LRRC49: variants seen among roughly 807,000 people sequenced by gnomAD.
The protein encoded by LRRC49 is leucine-rich repeat-containing protein 49.
A neutral mutation model predicts 83.3 loss-of-function variants in LRRC49; 50 were observed. The ratio of observed to expected loss-of-function variants is 0.60; its 90% CI spans 0.48 to 0.76. The LOEUF is 0.76. Among genes scored for constraint, LRRC49 ranks in the 30% least tolerant of loss-of-function variants. The pLI is 0.00. For missense variants in LRRC49, 704 were observed against 809.1 expected (o/e 0.87, Z 1.58); for synonymous variants, 286 against 283.3 (o/e 1.01, Z -0.10).
intron 11 of LRRC49, among the ~76,000 whole-genome samples, chr15:70,998,766 T>C (rs2038159833): frequency 3.8e-5 from 2 of 53,030 alleles, no homozygotes; most frequent in Admixed American, 2.6e-4. Context: ...TCAAATATTC[T>C]TTCTGCTTTT....
intron 11 of LRRC49, among the ~76,000 whole-genome samples, chr15:71,007,160 C>T (rs545608000): frequency 1.8e-4 from 27 of 152,046 alleles, no homozygotes; most frequent in African/African-American, 6.3e-4. Flanking sequence ...AGAAGGTTAA[C>T]TGGTACCTCT....
intron 1 of LRRC49, among the ~76,000 whole-genome samples, chr15:70,868,164 G>T (rs1366527823): frequency 6.6e-6 from 1 of 152,142 alleles, no homozygotes; most frequent in East Asian, 1.9e-4. Flanking sequence ...ATTCTGTGGG[G>T]AAAACATGTT....
chr15:70,978,071 C>T (rs2037269204), intron 9 of LRRC49, among the ~76,000 whole-genome samples: 1 of 151,976 alleles, frequency 6.6e-6, no homozygotes, highest in Non-Finnish European at 1.5e-5. Context: ...TCTTTGTTTT[C>T]AGGAGCATGT....
chr15:70,993,246 G>A (rs2037955503), intron 11 of LRRC49, among the ~76,000 whole-genome samples: 2 of 152,204 alleles, frequency 1.3e-5, no homozygotes, highest in Non-Finnish European at 2.9e-5. Flanking sequence ...CTGTATTAGG[G>A]TGGGAGTGAC....
intron 6 of LRRC49, among the ~76,000 whole-genome samples, chr15:70,914,189 G>A (rs1357596625): frequency 6.6e-6 from 1 of 151,932 alleles, no homozygotes; most frequent in Non-Finnish European, 1.5e-5. Context: ...GTATTTCAAA[G>A]CAAAGATACA....
chr15:70,987,139 G>A (rs553884555), intron 11 of LRRC49, among the ~76,000 whole-genome samples: 7 of 152,320 alleles, frequency 4.6e-5, no homozygotes, highest in Admixed American at 3.3e-4. Flanking sequence ...TCAGGATGAT[G>A]CTGACCTCAT....
chr15:70,892,353 G>T, upstream of LRRC49: 1 of 1,548,334 alleles, frequency 6.5e-7, no homozygotes, highest in African/African-American at 1.4e-5. Flanking sequence ...CCTCGGCGAG[G>T]CAAGTCCTCC....
Position 70,904,568 on chromosome 15 carries a change from T to A in LRRC49, c.313T>A (p.Cys105Ser), listed in dbSNP as rs2034220270. The A allele has an allele frequency of 1.2e-6, 2 of 1,612,754 alleles. No individual in the cohort carries two copies. Among genetic ancestry groups the A allele is most frequent in the Admixed American group, 1.7e-5 (1 of 59,978 alleles). ...LSLERQKLTV[C>S]PIINGEDHLR... ...TTTTTCTAGACAAAAGCTGACCGTA[T>A]GTCCTATCATCAATGGGGAAGACCA... The change falls in exon 5 of 16, where the codon TGT becomes AGT. Residue 105 changes from cysteine to serine, a missense_variant. Transcript: ENST00000260382.
chr15:70,867,229 AAG>A, intron 1 of LRRC49, among the ~76,000 whole-genome samples: 1 of 152,238 alleles, frequency 6.6e-6, no homozygotes, highest in East Asian at 1.9e-4. Context: ...TCTCCAGAGA[AAG>A]AGGCTTGTAA....
chr15:70,984,552 T>A (rs1338817168), intron 11 of LRRC49: 10 of 191,144 alleles, frequency 5.2e-5, no homozygotes, highest in Non-Finnish European at 7.4e-5. Context: ...ATCAACCATG[T>A]TCTTCTGCTA....
rs1452305309 is a variant in LRRC49 at position 70,921,557 on chromosome 15, G to A, written c.711+2364G>A. Among the ~76,000 whole-genome samples the A allele has an allele frequency of 3.3e-5, 5 of 152,304 alleles. No homozygotes were observed. In the East Asian group the frequency reaches 9.6e-4, roughly 29 times the overall value. On this transcript the variant is annotated intron_variant, in intron 7 of 15. Coordinates refer to ENST00000260382, the MANE Select transcript of LRRC49 (RefSeq NM_017691.5). The stretch of plus-strand genomic sequence containing the variant: ...TTCAGCACAGTTCACCGTAGTCCAT[G>A]CCTGCTCATTGTATGCACTGACCCA...
chr15:70,902,731 G>T (rs192866968), intron 4 of LRRC49, among the ~76,000 whole-genome samples: 13 of 152,270 alleles, frequency 8.5e-5, no homozygotes, highest in African/African-American at 2.9e-4. Flanking sequence ...GTTAGGTTAG[G>T]CCTGGAGTAC....
At chr15:70,897,929 A>ATG (rs1389235188) in intron 3 of LRRC49, among the ~76,000 whole-genome samples, 1 of 152,216 alleles carries the variant, frequency 6.6e-6, no homozygotes. Flanking sequence ...GAATTTTAAA[A>ATG]TGTGTGTGTA....
chr15:70,952,698 C>T (rs2036262270), intron 8 of LRRC49, among the ~76,000 whole-genome samples: 1 of 152,084 alleles, frequency 6.6e-6, no homozygotes, highest in Non-Finnish European at 1.5e-5. Context: ...GGTTTACTGC[C>T]TTGATGATCT....
rs146144049 is a variant in LRRC49 at position 71,026,138 on chromosome 15, A to G, written c.1704-11041A>G. 1.6e-4 allele frequency among the ~76,000 whole-genome samples: 24 copies of G among 150,946 alleles called. No homozygotes were observed. The East Asian group carries it at 4.7e-3, about 29-fold the overall frequency. On this transcript the variant is annotated intron_variant, in intron 14 of 15. Coordinates refer to ENST00000260382, the MANE Select transcript of LRRC49 (RefSeq NM_017691.5). ...TGTGTCCATGTGTTCTTATTTTTCA[A>G]CTCCCACCTATGAGTGAGAACATGC...
chr15:70,880,647 A>C (rs763502602), intron 2 of LRRC49, among the ~76,000 whole-genome samples: 1 of 152,234 alleles, frequency 6.6e-6, no homozygotes, highest in Non-Finnish European at 1.5e-5. Flanking sequence ...AACATACACA[A>C]TAAATTATGA....
intron 15 of LRRC49, among the ~76,000 whole-genome samples, chr15:71,037,854 G>T (rs1271366419): frequency 6.6e-6 from 1 of 152,068 alleles, no homozygotes; most frequent in Non-Finnish European, 1.5e-5. Context: ...CAGGAAAATG[G>T]TAACTAAACC....
chr15:70,901,355 G>A (rs1373094895), intron 4 of LRRC49, among the ~76,000 whole-genome samples: 1 of 152,102 alleles, frequency 6.6e-6, no homozygotes, highest in African/African-American at 2.4e-5. Context: ...ATCCAGTCTA[G>A]TTTCCTGTTA....
chr15:71,018,952 A>G (rs1286592402), intron 14 of LRRC49, among the ~76,000 whole-genome samples: 1 of 152,194 alleles, frequency 6.6e-6, no homozygotes, highest in African/African-American at 2.4e-5. Context: ...TTATTATAAA[A>G]GATATTACAA....
Sources: gnomAD v4.1 joint callset for allele counts (sites outside exome capture counted in the v4.1 genomes callset) on GRCh38, gnomAD v4.1.1 for gene constraint, MANE v1.5 for transcripts, NCBI Gene and HGNC (gene_info 2026-07-23, HGNC 2026-07-21) for gene names.